C8orf34: variants seen among roughly 807,000 people sequenced by gnomAD.
C8orf34 encodes chromosome 8 open reading frame 34, also known as uncharacterized protein C8orf34.
C8orf34 carries 65 observed loss-of-function variants against 68.3 expected under a neutral mutation model. The observed-to-expected ratio is 0.95, with a 90% CI of 0.78 to 1.17. C8orf34 has a LOEUF of 1.17. C8orf34 is among the 50% of genes most tolerant of loss of function. C8orf34 has a pLI of 0.00. For synonymous variants in C8orf34, 244 were observed against 241.2 expected (o/e 1.01, Z -0.11); for missense variants, 664 against 655.4 (o/e 1.01, Z -0.14).
At chr8:68,696,396 T>G (rs1820836949) in intron 8 of C8orf34, among the ~76,000 whole-genome samples, 1 of 149,734 alleles carries the variant, frequency 6.7e-6, no homozygotes, top group Non-Finnish European at 1.5e-5. Flanking sequence ...AACTAGATTT[T>G]ATATATACAT....
chr8:68,396,121 AT>A (rs1295944275), intron 1 of C8orf34, among the ~76,000 whole-genome samples: 4 of 152,000 alleles, frequency 2.6e-5, no homozygotes, highest in Middle Eastern at 3.4e-3. Context: ...ATTTTGGCAT[AT>A]TTTTTTCTCA....
chr8:68,490,936 G>C (rs561804653), intron 5 of C8orf34, among the ~76,000 whole-genome samples: 2 of 152,276 alleles, frequency 1.3e-5, no homozygotes, highest in Admixed American at 1.3e-4. Flanking sequence ...CTGAAAAACA[G>C]CCAATCGGAA....
intron 10 of C8orf34, among the ~76,000 whole-genome samples, chr8:68,721,682 A>G (rs930943496): frequency 6.6e-6 from 1 of 152,016 alleles, no homozygotes; most frequent in African/African-American, 2.4e-5. Flanking sequence ...TGAAACTTCA[A>G]TAAGTTTAAC....
At chr8:68,453,991 T>C (rs9886572) in intron 3 of C8orf34, among the ~76,000 whole-genome samples, 13,513 of 152,062 alleles carry the variant, frequency 0.089, 932 homozygotes, top group African/African-American at 0.19. Context: ...TGGAAGTGTG[T>C]CGCATTTTTT....
At chr8:68,492,736 C>A (rs544179142) in intron 5 of C8orf34, among the ~76,000 whole-genome samples, 1 of 151,656 alleles carries the variant, frequency 6.6e-6, no homozygotes, top group Admixed American at 6.6e-5. Context: ...TGGCTGTGAT[C>A]CCTCCTTTAA....
chr8:68,333,356 G>A (rs185575898), intron 1 of C8orf34, among the ~76,000 whole-genome samples: 228 of 152,200 alleles, frequency 1.5e-3, no homozygotes, highest in African/African-American at 5.2e-3. Flanking sequence ...GACATACACT[G>A]GCATTAGCTT....
At chr8:68,538,698 A>C (rs80199301) in intron 7 of C8orf34, among the ~76,000 whole-genome samples, 4,335 of 152,214 alleles carry the variant, frequency 0.028, 224 homozygotes, top group African/African-American at 0.098. Context: ...AAAAGATAAG[A>C]GGTAAAGCTA....
chr8:68,500,466 T>G (rs563606818), intron 5 of C8orf34, among the ~76,000 whole-genome samples: 1 of 152,176 alleles, frequency 6.6e-6, no homozygotes, highest in Non-Finnish European at 1.5e-5. Context: ...ATTGGGGAAA[T>G]TTAAACAAGG....
chr8:68,333,644 C>T (rs1805726375), intron 1 of C8orf34, among the ~76,000 whole-genome samples: 2 of 152,200 alleles, frequency 1.3e-5, no homozygotes, highest in Non-Finnish European at 2.9e-5. Flanking sequence ...ACCGTCCATT[C>T]TCTTCTAGGA....
At chr8:68,683,961 T>C (rs1273067997) in intron 8 of C8orf34, among the ~76,000 whole-genome samples, 1 of 152,146 alleles carries the variant, frequency 6.6e-6, no homozygotes, top group Non-Finnish European at 1.5e-5. Flanking sequence ...AAAACTCTTC[T>C]CAAGATAGGC....
At chr8:68,763,113 AT>A (rs560710225) in intron 10 of C8orf34, among the ~76,000 whole-genome samples, 2 of 152,036 alleles carry the variant, frequency 1.3e-5, no homozygotes, top group South Asian at 2.1e-4. Context: ...AGATGGACTT[AT>A]TTTTTTTCAG....
At position 68,464,148 on chromosome 8, in the gene C8orf34, A is replaced by G. The variant is rs562161053; in HGVS notation, c.608-4544A>G. ...TCACAAGCATTCTTATACACCAATAACAGACAAACCGAGAGCCAAATCATG... is the reference window on the plus strand; with the variant it reads ...TCACAAGCATTCTTATACACCAATAGCAGACAAACCGAGAGCCAAATCATG... On this transcript the variant is annotated intron_variant, in intron 3 of 13. Coordinates refer to ENST00000518698, the MANE Select transcript of C8orf34 (RefSeq NM_052958.4). Among the ~76,000 whole-genome samples, 324 of 152,314 alleles carry G rather than the reference A, an allele frequency of 2.1e-3. 1 individual carries two copies. The highest frequency in any genetic ancestry group is 7.0e-3 in the African/African-American group (291 of 41,552).
intron 8 of C8orf34, among the ~76,000 whole-genome samples, chr8:68,682,878 C>G (rs1820408927): frequency 6.6e-6 from 1 of 152,048 alleles, no homozygotes; most frequent in South Asian, 2.1e-4. Flanking sequence ...AATTAGGAAG[C>G]AAACTATTAC....
At chr8:68,573,969 T>C (rs1050541503) in intron 7 of C8orf34, among the ~76,000 whole-genome samples, 1 of 152,212 alleles carries the variant, frequency 6.6e-6, no homozygotes, top group African/African-American at 2.4e-5. Context: ...ACATTTTCAA[T>C]GAGCATTAGA....
At chr8:68,556,499 T>G (rs904844000) in intron 7 of C8orf34, among the ~76,000 whole-genome samples, 1 of 152,116 alleles carries the variant, frequency 6.6e-6, no homozygotes, top group Admixed American at 6.6e-5. Context: ...AGGCTTGAAA[T>G]GCAGATTGTG....
At chr8:68,793,925 G>C (rs1824087302) in intron 12 of C8orf34, among the ~76,000 whole-genome samples, 1 of 151,918 alleles carries the variant, frequency 6.6e-6, no homozygotes, top group Non-Finnish European at 1.5e-5. Flanking sequence ...AAAATGTATT[G>C]GTATAAATAA....
chr8:68,741,738 C>T (rs1822300905), intron 10 of C8orf34, among the ~76,000 whole-genome samples: 1 of 152,134 alleles, frequency 6.6e-6, no homozygotes, highest in Non-Finnish European at 1.5e-5. Flanking sequence ...TCTTTTGGTG[C>T]CTGGCTTATT....
chr8:68,497,660 C>T (rs1031618876), intron 5 of C8orf34, among the ~76,000 whole-genome samples: 4 of 151,932 alleles, frequency 2.6e-5, no homozygotes, highest in African/African-American at 9.7e-5. Context: ...CCATACAAGA[C>T]AGTACTATAC....
At chr8:68,534,223 G>T in intron 7 of C8orf34, 1 of 985,346 alleles carries the variant, frequency 1.0e-6, no homozygotes, top group Non-Finnish European at 1.2e-6. Flanking sequence ...CTGCATTCAT[G>T]CTAACATTAA....
Sources: gnomAD v4.1 joint callset for allele counts (sites outside exome capture counted in the v4.1 genomes callset) on GRCh38, gnomAD v4.1.1 for gene constraint, MANE v1.5 for transcripts, NCBI Gene and HGNC (gene_info 2026-07-23, HGNC 2026-07-21) for gene names.